The following PRKN variants were observed in gnomAD, a reference collection of about 807,000 sequenced individuals.
PRKN encodes the protein E3 ubiquitin-protein ligase parkin.
PRKN carries 56 observed loss-of-function variants against 59.5 expected under a neutral mutation model. The ratio of observed to expected loss-of-function variants is 0.94; its 90% CI spans 0.76 to 1.18. PRKN has a LOEUF of 1.18. Ranked by LOEUF, PRKN falls within the 50% of genes most tolerant of loss-of-function variation. The pLI is 0.00. For missense variants in PRKN, 657 were observed against 596.4 expected, an observed-to-expected ratio of 1.10 and a Z score of -1.06; for synonymous variants, 250 against 222.1, an observed-to-expected ratio of 1.13 and a Z score of -1.12.
chr6:161,900,878 TAA>T (rs1777887311), intron 6 of PRKN, among the ~76,000 whole-genome samples: 1 of 140,524 alleles, frequency 7.1e-6, no homozygotes, highest in Non-Finnish European at 1.5e-5. Context: ...ATACAATACA[TAA>T]TATATATTAT....
At chr6:162,085,553 G>A (rs986632391) in intron 4 of PRKN, among the ~76,000 whole-genome samples, 1 of 152,030 alleles carries the variant, frequency 6.6e-6, no homozygotes, top group African/African-American at 2.4e-5. Flanking sequence ...ATTTGACAAA[G>A]AAATGCATAA....
At chr6:162,168,078 G>T (rs1783070864) in intron 4 of PRKN, among the ~76,000 whole-genome samples, 1 of 152,008 alleles carries the variant, frequency 6.6e-6, no homozygotes, top group African/African-American at 2.4e-5. Context: ...TGCTCTTCTT[G>T]GAGTAAAATT....
intron 6 of PRKN, among the ~76,000 whole-genome samples, chr6:161,902,564 A>T (rs9364625): frequency 0.58 from 62,586 of 108,614 alleles, 17,902 homozygotes; most frequent in East Asian, 0.74. Flanking sequence ...TTATTTATTT[A>T]TTTTTTTTTT....
In PRKN at chr6:161,447,052, C is replaced by T. The variant is rs9458260; in HGVS notation, c.1084-60175G>A. The stretch of plus-strand genomic sequence containing the variant: ...TATGGGTAGGTGACTTCTTAATGAT[C>T]TTTAAGGAAAGAAGTCAATACAAGG... On this transcript the variant is annotated intron_variant, in intron 9 of 11. Coordinates refer to ENST00000366898, the MANE Select transcript of PRKN (RefSeq NM_004562.3). The surrounding 1 kb of genome is among the most constrained non-coding windows in gnomAD (Gnocchi z 4.1). Among the ~76,000 whole-genome samples the T allele has an allele frequency of 6.6e-6, 1 of 152,152 alleles. No homozygotes were observed. The highest frequency in any genetic ancestry group is 1.5e-5 in the Non-Finnish European group (1 of 68,016).
chr6:161,693,809 C>T (rs1312006275), intron 7 of PRKN, among the ~76,000 whole-genome samples: 2 of 152,134 alleles, frequency 1.3e-5, no homozygotes, highest in Non-Finnish European at 2.9e-5. Flanking sequence ...GGCCAATTCC[C>T]AAAGTTTCAA....
intron 1 of PRKN, among the ~76,000 whole-genome samples, chr6:162,696,363 T>C (rs1033611513): frequency 2.0e-5 from 3 of 152,066 alleles, no homozygotes; most frequent in Non-Finnish European, 2.9e-5. Flanking sequence ...ATTCCAGTCC[T>C]TCTTTGCTTG....
intron 4 of PRKN, among the ~76,000 whole-genome samples, chr6:162,149,035 T>C (rs1782147197): frequency 6.6e-6 from 1 of 152,092 alleles, no homozygotes; most frequent in African/African-American, 2.4e-5. Context: ...TTGGCACAAA[T>C]AGGGTAGTGA....
rs368151696 is a variant in PRKN, at chr6:162,289,741, A to T, written c.172-26976T>A. Among the ~76,000 whole-genome samples, 99 of 152,188 alleles carry T rather than the reference A, an allele frequency of 6.5e-4. 2 individuals carry two copies. In the South Asian group the frequency reaches 0.019, roughly 29 times the overall value. On this transcript the variant is annotated intron_variant, in intron 2 of 11. Coordinates refer to ENST00000366898, the MANE Select transcript of PRKN (RefSeq NM_004562.3). ...ACAATTCACTCCATAACGCCCATAA[A>T]AGAGGAAGGAGAGAGCATCCAAGGA... is the stretch of plus-strand genomic sequence containing the variant.
At chr6:161,796,862 A>G (rs978195558) in intron 6 of PRKN, among the ~76,000 whole-genome samples, 2 of 152,242 alleles carry the variant, frequency 1.3e-5, no homozygotes, top group South Asian at 2.1e-4. Flanking sequence ...ACTCATGCAC[A>G]TATCTTGTCT....
intron 7 of PRKN, among the ~76,000 whole-genome samples, chr6:161,614,112 C>T (rs1391470832): frequency 6.6e-6 from 1 of 152,202 alleles, no homozygotes; most frequent in African/African-American, 2.4e-5. Context: ...CCTGCTTCCC[C>T]TCCATCTCTA....
In PRKN at chr6:162,179,775, T is replaced by C. The variant is rs552223678; in HGVS notation, c.534+21356A>G. Among the ~76,000 whole-genome samples the C allele has an allele frequency of 2.7e-3, 409 of 152,254 alleles. 1 individual carries two copies. Among genetic ancestry groups the C allele is most frequent in the African/African-American group, 8.9e-3 (369 of 41,534 alleles). On this transcript the variant is annotated intron_variant, in intron 4 of 11. Coordinates refer to ENST00000366898, the MANE Select transcript of PRKN (RefSeq NM_004562.3). ...GCCACTGGCTCAATTCATGAGCTTA[T>C]GTATGTGCCAAGGGGAAAGGCTTCC...
At chr6:162,478,327 ATGT>A (rs1477920235) in intron 1 of PRKN, among the ~76,000 whole-genome samples, 3 of 152,166 alleles carry the variant, frequency 2.0e-5, no homozygotes, top group Non-Finnish European at 4.4e-5. Context: ...GTGATTTCTA[ATGT>A]TGTTGTGGCT....
intron 2 of PRKN, among the ~76,000 whole-genome samples, chr6:162,442,597 T>C (rs754336209): frequency 6.6e-5 from 10 of 152,260 alleles, no homozygotes; most frequent in South Asian, 2.1e-4. Flanking sequence ...AGGGCTTTCA[T>C]GGGGCTAGGA....
At chr6:162,023,542 C>T (rs924234660) in intron 5 of PRKN, among the ~76,000 whole-genome samples, 1 of 152,134 alleles carries the variant, frequency 6.6e-6, no homozygotes, top group South Asian at 2.1e-4. Flanking sequence ...TGTCGGTGTG[C>T]TCTTCTCCTA....
At chr6:162,459,002 G>A (rs1791036960) in intron 1 of PRKN, among the ~76,000 whole-genome samples, 1 of 151,870 alleles carries the variant, frequency 6.6e-6, no homozygotes, top group African/African-American at 2.4e-5. Flanking sequence ...TGTTTTTTTA[G>A]TACAGACGGG....
At chr6:161,522,283 A>G (rs950626299) in intron 9 of PRKN, among the ~76,000 whole-genome samples, 1 of 152,118 alleles carries the variant, frequency 6.6e-6, no homozygotes, top group African/African-American at 2.4e-5. Context: ...CAGGCGAGGG[A>G]GGTAGAGGAG....
At chr6:162,280,191 T>C (rs1780826354) in intron 2 of PRKN, among the ~76,000 whole-genome samples, 1 of 152,174 alleles carries the variant, frequency 6.6e-6, no homozygotes, top group South Asian at 2.1e-4. Context: ...TACTACTACG[T>C]GTGAATTTGT....
At chr6:162,090,594 T>C (rs1330316878) in intron 4 of PRKN, among the ~76,000 whole-genome samples, 1 of 152,160 alleles carries the variant, frequency 6.6e-6, no homozygotes, top group African/African-American at 2.4e-5. Context: ...TTTTTACATA[T>C]GGAAAATTAC....
chr6:162,580,329 T>C (rs1415468534), intron 1 of PRKN, among the ~76,000 whole-genome samples: 1 of 151,682 alleles, frequency 6.6e-6, no homozygotes, highest in Non-Finnish European at 1.5e-5. Flanking sequence ...TCCCGGCTAC[T>C]TGGAAGGCTG....
Sources: allele counts gnomAD v4.1 joint callset (sites outside exome capture counted in the v4.1 genomes callset), GRCh38; gene constraint gnomAD v4.1.1; non-coding constraint Gnocchi (gnomAD v3.1); transcripts MANE v1.5; gene names NCBI Gene and HGNC (gene_info 2026-07-23, HGNC 2026-07-21).